ROBO2: variants seen among roughly 807,000 people sequenced by gnomAD.
ROBO2 encodes roundabout guidance receptor 2.
Under a neutral mutation model 160.8 loss-of-function variants are expected in ROBO2, and 53 were observed. The observed-to-expected ratio is 0.33, with a 90% CI of 0.26 to 0.41. The LOEUF (loss-of-function observed/expected upper bound fraction) is 0.41, where lower values mean the gene tolerates loss of function less well. ROBO2 is among the 10% of genes least tolerant of loss of function. The pLI, the probability that ROBO2 is intolerant of heterozygous loss-of-function variation, is 1.00. For missense variants in ROBO2, 1,577 were observed against 1,722.4 expected (o/e 0.92, Z 1.49); for synonymous variants, 664 against 611.7 (o/e 1.09, Z -1.26).
intron 2 of ROBO2, among the ~76,000 whole-genome samples, chr3:76,745,799 T>TTTTATTTA (rs199745180): frequency 2.9e-4 from 41 of 143,244 alleles, no homozygotes; most frequent in African/African-American, 7.4e-4. Context: ...AAAAATTTAT[T>TTTTATTTA]TTTATTTATT....
At chr3:77,030,228 G>A (rs1216902829) in intron 2 of ROBO2, among the ~76,000 whole-genome samples, 1 of 152,220 alleles carries the variant, frequency 6.6e-6, no homozygotes, top group Non-Finnish European at 1.5e-5. Context: ...ACAGGCGTAA[G>A]CCACCGCGCC....
Position 77,625,882 on chromosome 3 carries a change from A to C in ROBO2, c.3760+3450A>C, listed in dbSNP as rs571733255. ...AAAAAAGTTTGCTGATCCCTATTAT[A>C]AAGTTTTAATGTATATTAATTCATT... is the stretch of plus-strand genomic sequence containing the variant. On this transcript the variant is annotated intron_variant, in intron 23 of 25. Coordinates refer to ENST00000461745, the Ensembl canonical transcript of ROBO2. Among the ~76,000 whole-genome samples, 465 of 152,306 alleles carry C rather than the reference A, an allele frequency of 3.1e-3. 3 individuals carry two copies. The highest frequency in any genetic ancestry group is 0.01 in the African/African-American group (430 of 41,560).
At chr3:77,041,415 G>A (rs905477977) in intron 1 of ROBO2, among the ~76,000 whole-genome samples, 1 of 152,184 alleles carries the variant, frequency 6.6e-6, no homozygotes, top group African/African-American at 2.4e-5. Context: ...TCCACGAAGG[G>A]GGAAGCATCA....
At chr3:77,448,830 A>G (rs2080843912) in intron 2 of ROBO2, among the ~76,000 whole-genome samples, 3 of 151,984 alleles carry the variant, frequency 2.0e-5, no homozygotes, top group Non-Finnish European at 4.4e-5. Context: ...GCTTTTCCTC[A>G]AAAAATCACA....
chr3:76,102,064 C>G (rs2069716647), intron 2 of ROBO2, among the ~76,000 whole-genome samples: 2 of 148,350 alleles, frequency 1.3e-5, no homozygotes, highest in Admixed American at 6.7e-5. Flanking sequence ...CCCATTGTAC[C>G]CCGGGGTGTG....
chr3:76,550,853 G>A (rs2083372047), intron 2 of ROBO2, among the ~76,000 whole-genome samples: 2 of 152,226 alleles, frequency 1.3e-5, no homozygotes, highest in African/African-American at 4.8e-5. Context: ...GGTCACTGAA[G>A]AGCATGGGAG....
At chr3:77,295,257 C>T (rs1479886784) in intron 2 of ROBO2, among the ~76,000 whole-genome samples, 3 of 140,858 alleles carry the variant, frequency 2.1e-5, no homozygotes, top group East Asian at 2.2e-4. Context: ...GTAAAATTGA[C>T]GATTAAACGG....
At chr3:77,212,006 C>T (rs369045560) in intron 2 of ROBO2, among the ~76,000 whole-genome samples, 9 of 152,216 alleles carry the variant, frequency 5.9e-5, no homozygotes, top group South Asian at 2.1e-4. Flanking sequence ...TGTCAGGTAG[C>T]GTGATGCCTC....
rs1166943 is a variant in ROBO2 at position 76,834,153 on chromosome 3, T to C, written c.110-263861T>C. ...TTCCTTCTTTCCTTCCTTCCTTTCTTTCTCTCTCTTTCTTTCTTTCTCTCT... is the reference window on the plus strand; with the variant it reads ...TTCCTTCTTTCCTTCCTTCCTTTCTCTCTCTCTCTTTCTTTCTTTCTCTCT... On this transcript the variant is annotated intron_variant, in intron 2 of 26. Coordinates refer to the ROBO2 transcript ENST00000487694. 4.3e-3 allele frequency among the ~76,000 whole-genome samples: 569 copies of C among 132,822 alleles called. 20 individuals carry two copies. The highest frequency in any genetic ancestry group is 0.015 in the African/African-American group (539 of 35,824). The allele number at this position is 132,822 out of a possible 152,430, so 87.1% of individuals were successfully genotyped here. A position where few individuals can be genotyped will look rare whatever the true frequency, so the allele number is the denominator to read the frequency against.
intron 2 of ROBO2, among the ~76,000 whole-genome samples, chr3:77,007,707 G>A (rs916583941): frequency 6.6e-6 from 1 of 151,996 alleles, no homozygotes; most frequent in Non-Finnish European, 1.5e-5. Flanking sequence ...AAGCTTGATT[G>A]TTTTCTGTTA....
chr3:76,195,660 T>G (rs1268115391), intron 2 of ROBO2, among the ~76,000 whole-genome samples: 1 of 152,188 alleles, frequency 6.6e-6, no homozygotes, highest in African/African-American at 2.4e-5. Flanking sequence ...GATACACACA[T>G]GAAATGTGGA....
At chr3:76,042,595 C>T (rs778928781) in intron 2 of ROBO2, among the ~76,000 whole-genome samples, 1 of 151,980 alleles carries the variant, frequency 6.6e-6, no homozygotes, top group African/African-American at 2.4e-5. Context: ...ATACTCAGTA[C>T]CTGTTTTAAG....
chr3:76,012,177 A>ATTC (rs1195815168), intron 2 of ROBO2, among the ~76,000 whole-genome samples: 1 of 152,184 alleles, frequency 6.6e-6, no homozygotes, highest in Non-Finnish European at 1.5e-5. Context: ...TCATATATTC[A>ATTC]TTCTAAAATA....
At chr3:77,294,642 A>C (rs2061812884) in intron 2 of ROBO2, among the ~76,000 whole-genome samples, 1 of 149,646 alleles carries the variant, frequency 6.7e-6, no homozygotes, top group South Asian at 2.1e-4. Flanking sequence ...GGGTAAGCTG[A>C]GGCTAGATCA....
At chr3:76,580,342 G>GTTTTTTTTTTGTTTTTTTTTTTTGT (rs2085604163) in intron 2 of ROBO2, among the ~76,000 whole-genome samples, 1 of 90,562 alleles carries the variant, frequency 1.1e-5, no homozygotes, top group Non-Finnish European at 2.1e-5. Context: ...TTTTTTTTGT[G>GTTTTTTTTTTGTTTTTTTTTTTTGT]TTTTTTTTTT....
intron 2 of ROBO2, among the ~76,000 whole-genome samples, chr3:76,321,021 T>A (rs999651022): frequency 6.6e-6 from 1 of 152,196 alleles, no homozygotes; most frequent in Non-Finnish European, 1.5e-5. Flanking sequence ...ATTCATTCAA[T>A]AAATATTTAC....
At chr3:76,692,913 T>G (rs952639158) in intron 2 of ROBO2, among the ~76,000 whole-genome samples, 3 of 151,454 alleles carry the variant, frequency 2.0e-5, no homozygotes, top group African/African-American at 7.3e-5. Flanking sequence ...ATATATAGTG[T>G]GTGTGTATCT....
chr3:77,477,262 G>T, intron 2 of ROBO2, 152 bp from the exon 3 acceptor site: 1 of 779,880 alleles, frequency 1.3e-6, no homozygotes, highest in Non-Finnish European at 2.3e-6. Flanking sequence ...GTTGGCTCCA[G>T]AATATTTTAA....
chr3:77,478,197 A>G (rs2084270101), intron 3 of ROBO2, among the ~76,000 whole-genome samples: 1 of 152,188 alleles, frequency 6.6e-6, no homozygotes, highest in African/African-American at 2.4e-5. Context: ...TAAAGTATAA[A>G]TGATAGCCAT....
Sources: allele counts gnomAD v4.1 joint callset (sites outside exome capture counted in the v4.1 genomes callset), GRCh38; gene constraint gnomAD v4.1.1; transcripts MANE v1.5; gene names NCBI Gene and HGNC (gene_info 2026-07-23, HGNC 2026-07-21).